Variants in SOX5 observed in about 807,000 individuals in gnomAD.
SOX5 encodes SRY-box transcription factor 5.
A neutral mutation model predicts 92.0 loss-of-function variants in SOX5; 9 were observed. The ratio of observed to expected loss-of-function variants is 0.10; its 90% CI spans 0.06 to 0.17. The LOEUF (loss-of-function observed/expected upper bound fraction) is 0.17, where lower values mean the gene tolerates loss of function less well. SOX5 is among the 10% of genes least tolerant of loss of function. The pLI, the probability that SOX5 is intolerant of heterozygous loss-of-function variation, is 1.00. For synonymous variants in SOX5, 344 were observed against 336.3 expected (o/e 1.02, Z -0.25); for missense variants, 642 against 944.5 (o/e 0.68, Z 4.20).
intron 1 of SOX5, among the ~76,000 whole-genome samples, chr12:23,923,284 C>A (rs1174177389): frequency 1.7e-5 from 2 of 118,340 alleles, no homozygotes; most frequent in East Asian, 5.9e-4. Context: ...GGTTAAACCA[C>A]CCAAAAATAA....
chr12:24,418,812 T>C (rs2136903210), intron 1 of SOX5, among the ~76,000 whole-genome samples: 1 of 152,334 alleles, frequency 6.6e-6, no homozygotes, highest in East Asian at 1.9e-4. Flanking sequence ...ATCGTATTTT[T>C]CTGCTCTCTG....
In SOX5 at chr12:23,740,791, G is replaced by A. The variant is rs112542589; in HGVS notation, c.741+76C>T. On this transcript the variant is annotated intron_variant, in intron 5 of 14. Transcript: ENST00000451604. ...AAGGGACTCTTATTCATTGTTGTGT[G>A]CCTAGGACAGTGACCTATAAGTAGC... 3.9e-3 allele frequency: 4,888 copies of A among 1,254,106 alleles called. 146 individuals are homozygous for A. In the African/African-American group the frequency reaches 0.063, roughly 16 times the overall value. The allele number at this position is 1,254,106 out of a possible 1,614,324, so 77.7% of individuals were successfully genotyped here.
At chr12:24,106,554 G>T (rs1421628693) in intron 4 of SOX5, among the ~76,000 whole-genome samples, 2 of 152,074 alleles carry the variant, frequency 1.3e-5, no homozygotes, top group Non-Finnish European at 2.9e-5. Flanking sequence ...ACTTCGGGAG[G>T]TCGACGCAGG....
chr12:24,483,204 GA>G (rs1946181846), intron 1 of SOX5, among the ~76,000 whole-genome samples: 1 of 152,072 alleles, frequency 6.6e-6, no homozygotes, highest in Non-Finnish European at 1.5e-5. Flanking sequence ...TCTTCCAAAA[GA>G]AAACTGTGTT....
intron 4 of SOX5, among the ~76,000 whole-genome samples, chr12:24,122,656 T>C (rs1948744021): frequency 6.6e-6 from 1 of 152,190 alleles, no homozygotes. Context: ...TAAAAAACAG[T>C]TGTAGCTTTA....
At chr12:23,683,415 T>C (rs1179746707) in intron 6 of SOX5, among the ~76,000 whole-genome samples, 1 of 151,974 alleles carries the variant, frequency 6.6e-6, no homozygotes, top group Non-Finnish European at 1.5e-5. Flanking sequence ...TCATAGTTCA[T>C]AACTGATCTG....
At chr12:24,348,806 C>A (rs139825889) in intron 2 of SOX5, among the ~76,000 whole-genome samples, 1 of 152,060 alleles carries the variant, frequency 6.6e-6, no homozygotes, top group Non-Finnish European at 1.5e-5. Context: ...ATCATGGGGG[C>A]GGGTTTTCTC....
At position 23,798,632 on chromosome 12, in the gene SOX5, A is replaced by AAC. The variant is rs750957122; in HGVS notation, c.482-42910_482-42909dup. Among the ~76,000 whole-genome samples, 84 of 150,140 alleles carry AAC rather than the reference A, an allele frequency of 5.6e-4. 1 individual carries two copies. The highest frequency in any genetic ancestry group is 2.4e-3 in the Admixed American group (36 of 15,046). ...AAAAAAAAAACCAGTTCTCTCTTAC[A>AAC]ACACACACACACACACATTTAAGTT... On this transcript the variant is annotated intron_variant, in intron 3 of 14. Transcript: ENST00000451604.
chr12:23,655,101 CT>C (rs1373694337), intron 7 of SOX5, among the ~76,000 whole-genome samples: 1 of 151,932 alleles, frequency 6.6e-6, no homozygotes, highest in Non-Finnish European at 1.5e-5. Context: ...TAAGAAACAC[CT>C]CTCAGAATGG....
At chr12:24,228,654 G>A (rs2139900813) in intron 3 of SOX5, among the ~76,000 whole-genome samples, 1 of 151,640 alleles carries the variant, frequency 6.6e-6, no homozygotes, top group South Asian at 2.1e-4. Context: ...TATTCTGTGT[G>A]TGTGTGCGTG....
chr12:24,323,518 T>A (rs1036974817), intron 2 of SOX5, among the ~76,000 whole-genome samples: 2 of 152,004 alleles, frequency 1.3e-5, no homozygotes, highest in East Asian at 3.8e-4. Context: ...AATGTATTAA[T>A]CTCTTTATAA....
chr12:24,471,046 C>T (rs1011565311), intron 1 of SOX5, among the ~76,000 whole-genome samples: 2 of 152,118 alleles, frequency 1.3e-5, no homozygotes, highest in East Asian at 3.8e-4. Context: ...ATCAGTAAGT[C>T]TCATTGCTGC....
At chr12:24,398,209 A>G (rs887697432) in intron 1 of SOX5, among the ~76,000 whole-genome samples, 10 of 152,162 alleles carry the variant, frequency 6.6e-5, no homozygotes, top group African/African-American at 2.2e-4. Context: ...TATTTCATCA[A>G]AATTTGTTTT....
At chr12:23,597,066 C>G (rs1159474061) in intron 9 of SOX5, among the ~76,000 whole-genome samples, 1 of 152,166 alleles carries the variant, frequency 6.6e-6, no homozygotes, top group Admixed American at 6.5e-5. Context: ...CTTAAAAAAT[C>G]TGATTCTGTG....
chr12:23,848,912 C>T (rs1490347182), intron 2 of SOX5, among the ~76,000 whole-genome samples: 2 of 152,146 alleles, frequency 1.3e-5, no homozygotes, highest in South Asian at 4.1e-4. Context: ...TATTTTTGAA[C>T]AAGTTTTGCT....
chr12:24,237,957 A>G (rs924235343), intron 3 of SOX5: 1 of 152,176 alleles, frequency 6.6e-6, no homozygotes, highest in Non-Finnish European at 1.5e-5. Context: ...CTGCTGGGCC[A>G]TGGTAACTGA....
chr12:23,895,545 T>C (rs946369216), intron 2 of SOX5, among the ~76,000 whole-genome samples: 6 of 152,228 alleles, frequency 3.9e-5, no homozygotes, highest in African/African-American at 1.4e-4. Context: ...TGTATATTTT[T>C]TCCCCTCTAA....
chr12:23,774,785 A>G (rs910186911), intron 3 of SOX5, among the ~76,000 whole-genome samples: 2 of 152,216 alleles, frequency 1.3e-5, no homozygotes, highest in African/African-American at 4.8e-5. Context: ...AAAAAAAAAT[A>G]GTACTGGAAT....
At chr12:23,827,176 C>A (rs1037099166) in intron 3 of SOX5, among the ~76,000 whole-genome samples, 2 of 152,170 alleles carry the variant, frequency 1.3e-5, no homozygotes, top group African/African-American at 4.8e-5. Context: ...AAAAAGACAT[C>A]TCGTTATCTG....
Sources: gnomAD v4.1 joint callset for allele counts (sites outside exome capture counted in the v4.1 genomes callset) on GRCh38, gnomAD v4.1.1 for gene constraint, MANE v1.5 for transcripts, NCBI Gene and HGNC (gene_info 2026-07-23, HGNC 2026-07-21) for gene names.